Variants in SHTN1 observed in about 807,000 individuals in gnomAD.
SHTN1 encodes the protein shootin 1.
Under a neutral mutation model 83.1 loss-of-function variants are expected in SHTN1, and 42 were observed. The ratio of observed to expected loss-of-function variants is 0.51; its 90% CI spans 0.39 to 0.65. The LOEUF is 0.65. Among genes scored for constraint, SHTN1 ranks in the 30% least tolerant of loss-of-function variants. The probability of loss-of-function intolerance (pLI) is 0.00; values close to 1 mark genes in which losing one functional copy is unlikely to be tolerated. For synonymous variants in SHTN1, 224 were observed against 247.7 expected (o/e 0.90, Z 0.90); for missense variants, 622 against 737.8 (o/e 0.84, Z 1.82).
intron 1 of SHTN1, among the ~76,000 whole-genome samples, chr10:117,070,530 G>C (rs544962411): frequency 3.4e-4 from 51 of 151,524 alleles, no homozygotes; most frequent in African/African-American, 1.2e-3. Flanking sequence ...TAGTCATTCT[G>C]GTCTATTTTC....
chr10:117,012,952 C>CT (rs1852131480), intron 2 of SHTN1, among the ~76,000 whole-genome samples: 2 of 152,154 alleles, frequency 1.3e-5, no homozygotes, highest in South Asian at 4.1e-4. Flanking sequence ...AATGTAGTGG[C>CT]TTGTGCCTGT....
chr10:117,052,931 A>G (rs1256644263), intron 1 of SHTN1, among the ~76,000 whole-genome samples: 1 of 146,588 alleles, frequency 6.8e-6, no homozygotes, highest in Admixed American at 7.0e-5. Context: ...GAGGCAGGAG[A>G]ATGGCGTGAA....
chr10:117,046,114 G>A (rs1852658951), intron 2 of SHTN1, among the ~76,000 whole-genome samples: 1 of 152,090 alleles, frequency 6.6e-6, no homozygotes, highest in African/African-American at 2.4e-5. Context: ...AATGCTGGGG[G>A]ATTTTCCAAA....
chr10:117,112,603 T>C (rs915854668), intron 1 of SHTN1, among the ~76,000 whole-genome samples: 1 of 152,214 alleles, frequency 6.6e-6, no homozygotes, highest in Admixed American at 6.5e-5. Context: ...AAGGCTCAGA[T>C]AGACTTAGTG....
chr10:116,979,277 C>T lies in SHTN1; in HGVS notation c.90G>A (p.Glu30=), dbSNP rs1193363603. 1 of 1,613,904 alleles carries T rather than the reference C, an allele frequency of 6.2e-7. No homozygotes were observed. The highest frequency in any genetic ancestry group is 8.5e-7 in the Non-Finnish European group (1 of 1,179,874). ...AIGEYEDLRA[E]NQKTKEKCDK... ...AAACCTTCTCCTTTGTTTTCTGGTT[C>T]TCTGCTCTAAGGTCTTCATATTCGC... Residue 30 remains glutamate, a synonymous_variant, in exon 2 of 17, where the codon GAG becomes GAA. Coordinates refer to ENST00000355371, the MANE Select transcript of SHTN1 (RefSeq NM_001127211.3).
intron 1 of SHTN1, among the ~76,000 whole-genome samples, chr10:116,997,607 G>A (rs1378318540): frequency 1.3e-5 from 2 of 152,146 alleles, no homozygotes; most frequent in Admixed American, 6.5e-5. Context: ...TGGGTTTTTA[G>A]GGGAAGACCA....
At chr10:116,957,303 G>T (rs191048402) in intron 4 of SHTN1, among the ~76,000 whole-genome samples, 13 of 148,654 alleles carry the variant, frequency 8.7e-5, no homozygotes, top group Non-Finnish European at 1.8e-4. Context: ...CACCAGGTTG[G>T]AGTAGAGCTG....
At position 116,886,586 on chromosome 10, in the gene SHTN1, A is replaced by C; in HGVS notation, c.1674-20T>G. ...GGAGGCCTATGAGATGAAGAGTTAG[A>C]CAAAAAAAGTAAAAAGCAGAGAGAG... On this transcript the variant is annotated intron_variant, in intron 16 of 16. Coordinates refer to ENST00000355371, the MANE Select transcript of SHTN1 (RefSeq NM_001127211.3). 1 of 1,610,922 alleles carries C rather than the reference A, an allele frequency of 6.2e-7. No individual in the cohort carries two copies. Among genetic ancestry groups the C allele is most frequent in the Non-Finnish European group, 8.5e-7 (1 of 1,178,348 alleles).
At chr10:116,958,515 G>A (rs1027750916) in intron 4 of SHTN1, among the ~76,000 whole-genome samples, 4 of 152,124 alleles carry the variant, frequency 2.6e-5, no homozygotes, top group Middle Eastern at 3.2e-3. Context: ...GGTTCGTAAC[G>A]AGCAATGAAT....
intron 4 of SHTN1, among the ~76,000 whole-genome samples, chr10:116,956,862 C>A (rs1849999042): frequency 6.6e-6 from 1 of 152,114 alleles, no homozygotes; most frequent in South Asian, 2.1e-4. Context: ...TCTCTGAAAC[C>A]CCATTTTCGC....
At chr10:116,911,636 C>A in intron 14 of SHTN1, 154 bp downstream of exon 14, 1 of 1,557,996 alleles carries the variant, frequency 6.4e-7, no homozygotes, top group South Asian at 1.2e-5. Flanking sequence ...TGTGATGGAG[C>A]AGTCTGTAAG....
At chr10:116,911,243 A>G (rs1369907381) in intron 14 of SHTN1, among the ~76,000 whole-genome samples, 1 of 152,220 alleles carries the variant, frequency 6.6e-6, no homozygotes, top group Non-Finnish European at 1.5e-5. Context: ...AGGAAGGGAC[A>G]CAAAGTATGC....
At chr10:117,020,195 A>AT (rs1852239024) in intron 2 of SHTN1, among the ~76,000 whole-genome samples, 1 of 152,142 alleles carries the variant, frequency 6.6e-6, no homozygotes, top group Admixed American at 6.6e-5. Flanking sequence ...GGTCAATAGA[A>AT]AAATAGAGAG....
chr10:116,909,328 T>C (rs1010423988), intron 14 of SHTN1, among the ~76,000 whole-genome samples: 1 of 152,196 alleles, frequency 6.6e-6, no homozygotes, highest in African/African-American at 2.4e-5. Context: ...AAATTAACTA[T>C]TCAAAAATTT....
intron 1 of SHTN1, among the ~76,000 whole-genome samples, chr10:117,092,069 G>GA (rs1254596255): frequency 6.6e-6 from 1 of 152,176 alleles, no homozygotes; most frequent in East Asian, 1.9e-4. Flanking sequence ...AGGGATAGAT[G>GA]AAAGATTTAA....
chr10:117,077,186 G>A (rs982529243), intron 1 of SHTN1, among the ~76,000 whole-genome samples: 6 of 152,194 alleles, frequency 3.9e-5, no homozygotes, highest in Non-Finnish European at 7.3e-5. Flanking sequence ...TAAGCAGAAA[G>A]TGTGGTCATA....
chr10:117,083,362 C>T (rs1853301560), intron 1 of SHTN1, among the ~76,000 whole-genome samples: 1 of 148,656 alleles, frequency 6.7e-6, no homozygotes, highest in African/African-American at 2.4e-5. Context: ...TGAATATTGG[C>T]CCCCACTCTC....
chr10:117,114,156 C>T (rs2133641233), intron 1 of SHTN1, among the ~76,000 whole-genome samples: 1 of 152,312 alleles, frequency 6.6e-6, no homozygotes, highest in Middle Eastern at 3.4e-3. Flanking sequence ...CTGCAGCAAG[C>T]TGTAATCATG....
chr10:117,005,629 G>A (rs1307537395), upstream of SHTN1: 1 of 985,466 alleles, frequency 1.0e-6, no homozygotes, highest in Non-Finnish European at 1.2e-6. Context: ...TAGACTCTGG[G>A]GGCGCGGTTG....
Sources: allele counts gnomAD v4.1 joint callset (sites outside exome capture counted in the v4.1 genomes callset), GRCh38; gene constraint gnomAD v4.1.1; transcripts MANE v1.5; gene names NCBI Gene and HGNC (gene_info 2026-07-23, HGNC 2026-07-21).